Variants in TPM1 observed in about 807,000 individuals in gnomAD.
The protein encoded by TPM1 is tropomyosin 1.
Under a neutral mutation model 42.9 loss-of-function variants are expected in TPM1, and 24 were observed. The observed-to-expected ratio is 0.56, with a 90% confidence interval of 0.41 to 0.79. The LOEUF (loss-of-function observed/expected upper bound fraction) is 0.79, where lower values mean the gene tolerates loss of function less well. Among genes scored for constraint, TPM1 ranks in the 30% least tolerant of loss-of-function variants. The pLI, the probability that TPM1 is intolerant of heterozygous loss-of-function variation, is 0.00. For synonymous variants in TPM1, 136 were observed against 130.1 expected, an observed-to-expected ratio of 1.05 and a Z score of -0.31; for missense variants, 158 against 351.8, an observed-to-expected ratio of 0.45 and a Z score of 4.41.
At chr15:63,059,794 T>C in intron 4 of TPM1, 114 bp downstream of exon 4, 1 of 754,022 alleles carries the variant, frequency 1.3e-6, no homozygotes, top group Non-Finnish European at 2.3e-6. Context: ...TTGGCAGAAA[T>C]GGGTGGTTTT....
At chr15:63,055,181 G>A (rs1323246232) in intron 2 of TPM1, among the ~76,000 whole-genome samples, 1 of 152,194 alleles carries the variant, frequency 6.6e-6, no homozygotes, top group Admixed American at 6.5e-5. Context: ...GCTGTGCACT[G>A]ATAATGATTT....
intron 9 of TPM1, 59 bp from the exon 10 acceptor site, chr15:63,065,837 T>C (rs2036220609): frequency 6.4e-7 from 1 of 1,556,838 alleles, no homozygotes; most frequent in Non-Finnish European, 8.7e-7. Context: ...TCCTTTCTTT[T>C]TTTTTTTTTT....
intron 8 of TPM1, chr15:63,063,458 T>C (rs925724283): frequency 1.4e-5 from 12 of 828,012 alleles, no homozygotes; most frequent in Non-Finnish European, 1.6e-5. Context: ...CCATTGCTTT[T>C]CAAGCCTCCT....
chr15:63,064,253 A>G, intron 9 of TPM1, 111 bp downstream of exon 9: 1 of 1,546,558 alleles, frequency 6.5e-7, no homozygotes, highest in South Asian at 1.2e-5. Flanking sequence ...TCTTGTGTTC[A>G]CCCTTTTTGT....
intron 2 of TPM1, chr15:63,054,520 G>A (rs1249738095): frequency 6.6e-6 from 1 of 152,234 alleles, no homozygotes; most frequent in Non-Finnish European, 1.5e-5. Flanking sequence ...TGGGGAGCTG[G>A]GGATAGAGAC....
chr15:63,044,683 C>T, intron 2 of TPM1: 1 of 210,452 alleles, frequency 4.8e-6, no homozygotes, highest in South Asian at 8.8e-5. Context: ...TTTGAGGCTT[C>T]CTTTCTCATT....
chr15:63,065,878 CT>C lies in TPM1; in HGVS notation c.852-13del. 1.9e-6 allele frequency: 3 copies of C among 1,596,436 alleles called. No individual in the cohort carries two copies. The highest frequency in any genetic ancestry group is 1.7e-6 in the Non-Finnish European group (2 of 1,173,048). ...TGTGCCACTTTTTTTTTCCTCCCAC[CT>C]TTTTATCTTCACGCAGATAAGTTTC... is the stretch of plus-strand genomic sequence containing the variant. On this transcript the variant is annotated splice_polypyrimidine_tract_variant and intron_variant, in intron 9 of 9. Transcript: ENST00000403994.
At chr15:63,058,470 G>T (rs2035122197) in intron 3 of TPM1, among the ~76,000 whole-genome samples, 1 of 152,148 alleles carries the variant, frequency 6.6e-6, no homozygotes, top group Non-Finnish European at 1.5e-5. Flanking sequence ...ACTTTAGGGG[G>T]CCGAGGCGGG....
At chr15:63,057,271 G>A (rs1469695988) in intron 3 of TPM1, among the ~76,000 whole-genome samples, 153 bp downstream of exon 3, 1 of 152,166 alleles carries the variant, frequency 6.6e-6, no homozygotes, top group Non-Finnish European at 1.5e-5. Flanking sequence ...GGTTGGTTTT[G>A]TTCATTTAGC....
chr15:63,066,777 C>T (rs1001868480), downstream of TPM1, among the ~76,000 whole-genome samples: 4 of 152,076 alleles, frequency 2.6e-5, no homozygotes, highest in Non-Finnish European at 4.4e-5. Context: ...TCTGTTTAGT[C>T]GTGATTTGTT....
At chr15:63,057,291 A>G (rs1943467091) in intron 3 of TPM1, among the ~76,000 whole-genome samples, 173 bp downstream of exon 3, 1 of 152,176 alleles carries the variant, frequency 6.6e-6, no homozygotes, top group South Asian at 2.1e-4. Flanking sequence ...CATTAGTGAA[A>G]CACCTACTAT....
intron 2 of TPM1, chr15:63,047,144 A>C (rs540093763): frequency 2.0e-5 from 3 of 152,248 alleles, no homozygotes; most frequent in Non-Finnish European, 2.9e-5. Context: ...TCCCCACCTG[A>C]CCAGATGAAC....
chr15:63,071,296 G>C, exon 9 of TPM1: 1 of 1,127,290 alleles, frequency 8.9e-7, no homozygotes, highest in Non-Finnish European at 1.3e-6. Flanking sequence ...CAAGATACCA[G>C]CTAGGTCAGG....
chr15:63,050,632 C>G (rs890575172), intron 2 of TPM1, among the ~76,000 whole-genome samples: 1 of 152,168 alleles, frequency 6.6e-6, no homozygotes, highest in East Asian at 1.9e-4. Context: ...TAAGTAGTTT[C>G]AATTTTTTTA....
chr15:63,065,913 A>C lies in TPM1; in HGVS notation c.*14A>C. 2 of 1,594,282 alleles carry C rather than the reference A, an allele frequency of 1.3e-6. No homozygotes were observed. Among genetic ancestry groups the C allele is most frequent in the Non-Finnish European group, 8.5e-7 (1 of 1,176,028 alleles). On this transcript the variant is annotated 3_prime_UTR_variant, in exon 10 of 10. Coordinates refer to ENST00000403994, the MANE Select transcript of TPM1 (RefSeq NM_001018005.2). ...TCACGCAGATAAGTTTCTTTGCTTC[A>C]CTTCTCCCAAGACTCCCTCGTCGAG...
downstream of TPM1, among the ~76,000 whole-genome samples, chr15:63,068,238 A>G (rs2036393609): frequency 6.6e-6 from 1 of 152,184 alleles, no homozygotes; most frequent in African/African-American, 2.4e-5. Context: ...TTTGTCCTCA[A>G]TAAGCTGGGC....
chr15:63,059,077 TTAAGTC>T (rs1242468638), intron 3 of TPM1, among the ~76,000 whole-genome samples: 12 of 152,256 alleles, frequency 7.9e-5, no homozygotes, highest in African/African-American at 2.9e-4. Context: ...AAATCTAACA[TTAAGTC>T]TAATATTTTT....
Position 63,065,983 on chromosome 15 carries a change from G to C in TPM1, c.*84G>C, listed in dbSNP as rs2036245992. 2 of 1,576,776 alleles carry C rather than the reference G, an allele frequency of 1.3e-6. No individual in the cohort carries two copies. Among genetic ancestry groups the C allele is most frequent in the Non-Finnish European group, 1.7e-6 (2 of 1,160,742 alleles). The stretch of plus-strand genomic sequence containing the variant: ...GAGCTCTGCATTTGTCTATTCTCCA[G>C]CTGACCCTGGTTCTCTCTCTTAGCA... On this transcript the variant is annotated 3_prime_UTR_variant, in exon 10 of 10. Coordinates refer to ENST00000403994, the MANE Select transcript of TPM1 (RefSeq NM_001018005.2).
At chr15:63,063,902 C>A in intron 8 of TPM1, 162 bp from the exon 9 acceptor site, 4 of 894,632 alleles carry the variant, frequency 4.5e-6, no homozygotes, top group Non-Finnish European at 4.9e-6. Flanking sequence ...AAACAAAACG[C>A]ACGCCTCCTG....
Sources: allele counts gnomAD v4.1 joint callset (sites outside exome capture counted in the v4.1 genomes callset), GRCh38; gene constraint gnomAD v4.1.1; transcripts MANE v1.5; gene names NCBI Gene and HGNC (gene_info 2026-07-23, HGNC 2026-07-21).